The following CNTN5 variants were observed in gnomAD, a reference collection of about 807,000 sequenced individuals.
CNTN5 encodes contactin 5, also known as contactin-5.
A neutral mutation model predicts 129.1 loss-of-function variants in CNTN5; 77 were observed. The observed-to-expected ratio is 0.60, with a 90% CI of 0.50 to 0.72. The LOEUF is 0.72. Ranked by LOEUF, CNTN5 falls within the 30% of genes least tolerant of loss-of-function variation. CNTN5 has a pLI of 0.00. For missense variants in CNTN5, 1,478 were observed against 1,328.8 expected, an observed-to-expected ratio of 1.11 and a Z score of -1.75; for synonymous variants, 509 against 465.6, an observed-to-expected ratio of 1.09 and a Z score of -1.20.
chr11:99,296,597 CTGAAGCTT>C (rs1453288611), intron 1 of CNTN5, among the ~76,000 whole-genome samples: 1 of 152,110 alleles, frequency 6.6e-6, no homozygotes, highest in Non-Finnish European at 1.5e-5. Flanking sequence ...CCAAATGTAC[CTGAAGCTT>C]TGATTGTCTT....
intron 15 of CNTN5, among the ~76,000 whole-genome samples, chr11:100,203,136 TA>T (rs1948823866): frequency 6.6e-6 from 1 of 152,100 alleles, no homozygotes; most frequent in Non-Finnish European, 1.5e-5. Context: ...TCAAATTGTT[TA>T]AAATTCTCCC....
intron 1 of CNTN5, among the ~76,000 whole-genome samples, chr11:99,169,842 A>C (rs556969576): frequency 6.6e-6 from 1 of 152,212 alleles, no homozygotes; most frequent in East Asian, 1.9e-4. Flanking sequence ...ATAAAATAAC[A>C]TGCAAAGACT....
At chr11:99,268,667 C>T (rs1591446649) in intron 1 of CNTN5, among the ~76,000 whole-genome samples, 1 of 151,912 alleles carries the variant, frequency 6.6e-6, no homozygotes, top group Non-Finnish European at 1.5e-5. Flanking sequence ...TGGATCAACA[C>T]ACATCACATC....
intron 1 of CNTN5, among the ~76,000 whole-genome samples, chr11:99,246,309 T>C (rs1167596072): frequency 8.0e-6 from 1 of 124,584 alleles, no homozygotes; most frequent in Non-Finnish European, 1.8e-5. Context: ...ACACATTATT[T>C]CATCTGATTA....
At chr11:99,381,398 T>C (rs1326853348) in intron 2 of CNTN5, among the ~76,000 whole-genome samples, 1 of 152,144 alleles carries the variant, frequency 6.6e-6, no homozygotes, top group Non-Finnish European at 1.5e-5. Context: ...AGTCCAGGAG[T>C]TAAAAGATAG....
rs1458953504 is a variant in CNTN5 at position 100,357,788 on chromosome 11, T to C, written c.*1568T>C. 1 of 151,720 alleles carries C rather than the reference T, an allele frequency of 6.6e-6. No homozygotes were observed. Among genetic ancestry groups the C allele is most frequent in the Admixed American group, 6.6e-5 (1 of 15,166 alleles). 9.4% of individuals were successfully genotyped at this position (151,720 alleles called of 1,614,324 possible). On this transcript the variant is annotated 3_prime_UTR_variant, in exon 25 of 25. Coordinates refer to ENST00000524871, the MANE Select transcript of CNTN5 (RefSeq NM_014361.4). ...AATCCTTGTAGAATCAGAGAAGTGATTGAAGTTTCTGTTCTGAACATCCTG... is the reference window on the plus strand; with the variant it reads ...AATCCTTGTAGAATCAGAGAAGTGACTGAAGTTTCTGTTCTGAACATCCTG...
At chr11:99,039,725 A>C (rs1200065820) in intron 1 of CNTN5, among the ~76,000 whole-genome samples, 5 of 152,138 alleles carry the variant, frequency 3.3e-5, no homozygotes, top group African/African-American at 1.2e-4. Context: ...GCTCCTGAGC[A>C]TTGGATCCAA....
chr11:99,539,306 G>C (rs1054826416), intron 2 of CNTN5, among the ~76,000 whole-genome samples: 1 of 151,944 alleles, frequency 6.6e-6, no homozygotes, highest in Non-Finnish European at 1.5e-5. Context: ...AATATTAAAA[G>C]CTTAGTCTTA....
chr11:99,081,212 G>A (rs1021097942), intron 1 of CNTN5, among the ~76,000 whole-genome samples: 1 of 152,082 alleles, frequency 6.6e-6, no homozygotes, highest in African/African-American at 2.4e-5. Context: ...TGGAAAGGCT[G>A]ACTTTTCAAA....
At position 100,214,716 on chromosome 11, in the gene CNTN5, A is replaced by C. The variant is rs181629829; in HGVS notation, c.1885-9976A>C. On this transcript the variant is annotated intron_variant, in intron 15 of 24. Transcript: ENST00000524871. Reference sequence around the variant, plus strand: ...CTTTGCACACCTAACCCCGAAGCCAACGTCAAGTGTTTTGGCTTTAGTTAA... The same window carrying C: ...CTTTGCACACCTAACCCCGAAGCCACCGTCAAGTGTTTTGGCTTTAGTTAA... Among the ~76,000 whole-genome samples the C allele has an allele frequency of 3.1e-3, 467 of 152,226 alleles. 12 individuals carry two copies. The highest frequency in any genetic ancestry group is 9.7e-4 in the East Asian group (5 of 5,176).
chr11:99,142,965 C>G (rs116079290), intron 1 of CNTN5, among the ~76,000 whole-genome samples: 2 of 152,294 alleles, frequency 1.3e-5, no homozygotes, highest in Admixed American at 1.3e-4. Context: ...ATGTTCCCAG[C>G]TTCTCTATCC....
chr11:99,832,908 G>C (rs575821530), intron 4 of CNTN5, among the ~76,000 whole-genome samples: 6 of 152,188 alleles, frequency 3.9e-5, no homozygotes, highest in Non-Finnish European at 7.3e-5. Context: ...AACAGTTGCA[G>C]CCTGGCATTA....
intron 3 of CNTN5, among the ~76,000 whole-genome samples, chr11:99,680,772 C>T (rs922340476): frequency 6.6e-6 from 1 of 151,842 alleles, no homozygotes; most frequent in Admixed American, 6.6e-5. Context: ...AGCTGTATGG[C>T]AGCTATAGTC....
Position 100,299,316 on chromosome 11 carries a change from T to C in CNTN5, c.2540T>C (p.Phe847Ser). 1 of 1,610,596 alleles carries C rather than the reference T, an allele frequency of 6.2e-7. No individual in the cohort carries two copies. ...RDESVPPLTP[F>S]EVKVGVYNNK... ...GAAAGTGTCCCTCCTCTTACTCCCT[T>C]TGAAGTGAAAGTTGGCGTTTATAAC... Residue 847 changes from phenylalanine (F) to serine (S), a missense_variant, in exon 20 of 25, where the codon TTT becomes TCT. By Grantham distance (155) the Phe-to-Ser change is radical. Transcript: ENST00000524871.
chr11:100,340,692 A>G (rs1221028068), intron 22 of CNTN5, 43 bp downstream of exon 22: 1 of 1,503,590 alleles, frequency 6.7e-7, no homozygotes, highest in East Asian at 2.3e-5. Flanking sequence ...CAAAGGGGAA[A>G]CATCGTATAA....
chr11:99,786,614 G>A (rs1256025275), intron 3 of CNTN5, among the ~76,000 whole-genome samples: 2 of 152,104 alleles, frequency 1.3e-5, no homozygotes, highest in East Asian at 3.9e-4. Flanking sequence ...ATACTACAAA[G>A]CTGCATTAAT....
intron 17 of CNTN5, among the ~76,000 whole-genome samples, chr11:100,266,306 C>G (rs888112716): frequency 4.6e-5 from 7 of 152,068 alleles, no homozygotes; most frequent in Non-Finnish European, 7.4e-5. Context: ...ACTATAAGGT[C>G]TTCCACTGTC....
intron 3 of CNTN5, among the ~76,000 whole-genome samples, chr11:99,707,191 C>T (rs191029066): frequency 4.7e-4 from 71 of 151,150 alleles, no homozygotes; most frequent in African/African-American, 1.7e-3. Flanking sequence ...TTCTATTGGT[C>T]AAGTAAAATA....
chr11:99,216,295 C>A (rs547877137), intron 1 of CNTN5, among the ~76,000 whole-genome samples: 3 of 152,146 alleles, frequency 2.0e-5, no homozygotes, highest in East Asian at 3.9e-4. Context: ...TAAAGGCCTC[C>A]AATTCTATCT....
Sources: gnomAD v4.1 joint callset for allele counts (sites outside exome capture counted in the v4.1 genomes callset) on GRCh38, gnomAD v4.1.1 for gene constraint, MANE v1.5 for transcripts, NCBI Gene and HGNC (gene_info 2026-07-23, HGNC 2026-07-21) for gene names.